Variants in KAZN observed in about 807,000 individuals in gnomAD.
The protein encoded by KAZN is kazrin, periplakin interacting protein.
KAZN carries 40 observed loss-of-function variants against 87.4 expected under a neutral mutation model. That is an observed-to-expected ratio of 0.46 (90% confidence interval 0.36 to 0.60). KAZN has a LOEUF of 0.60. Among genes scored for constraint, KAZN ranks in the 20% least tolerant of loss-of-function variants. The pLI is 0.00. For synonymous variants in KAZN, 466 were observed against 458.3 expected (o/e 1.02, Z -0.22); for missense variants, 898 against 1,073.9 (o/e 0.84, Z 2.29).
At chr1:14,047,303 C>A (rs767106368) in intron 1 of KAZN, among the ~76,000 whole-genome samples, 2 of 152,196 alleles carry the variant, frequency 1.3e-5, no homozygotes, top group Non-Finnish European at 2.9e-5. Context: ...CTTTGACAAC[C>A]ACTAATCTCA....
At chr1:15,032,233 C>G (rs1182541837) in intron 2 of KAZN, among the ~76,000 whole-genome samples, 1 of 140,292 alleles carries the variant, frequency 7.1e-6, no homozygotes, top group Non-Finnish European at 1.5e-5. Context: ...TGCTTTGTTG[C>G]CCAGGCTGGA....
intron 1 of KAZN, among the ~76,000 whole-genome samples, chr1:14,027,293 C>G (rs145694071): frequency 8.1e-4 from 123 of 152,252 alleles, no homozygotes; most frequent in African/African-American, 2.7e-3. Flanking sequence ...CCATGCGATG[C>G]GCTGGCTTCC....
chr1:14,686,240 T>A (rs1301582476), intron 1 of KAZN, among the ~76,000 whole-genome samples: 1 of 152,158 alleles, frequency 6.6e-6, no homozygotes. Context: ...AATTTTTGTA[T>A]TTTTGGTAGA....
chr1:14,135,094 G>A (rs1006975104), intron 1 of KAZN, among the ~76,000 whole-genome samples: 1 of 151,748 alleles, frequency 6.6e-6, no homozygotes, highest in Non-Finnish European at 1.5e-5. Flanking sequence ...AAAAGTAATG[G>A]CAAAAACTGC....
intron 8 of KAZN, among the ~76,000 whole-genome samples, chr1:15,075,092 A>G (rs950751568): frequency 1.3e-5 from 2 of 152,208 alleles, no homozygotes; most frequent in African/African-American, 4.8e-5. Context: ...GAATAGGACC[A>G]GAGGGAGCAA....
rs191975523 is a variant in KAZN, at chr1:13,951,774, G to A, written c.91+58018G>A. ...GCTCTTTGTGTTTCTCTAAGTCCAGGCAAGCCATACAGACATAGATGGATT... is the reference window on the plus strand; with the variant it reads ...GCTCTTTGTGTTTCTCTAAGTCCAGACAAGCCATACAGACATAGATGGATT... On this transcript the variant is annotated intron_variant, in intron 1 of 16. Transcript: ENST00000636203. Among the ~76,000 whole-genome samples the A allele has an allele frequency of 9.9e-5, 15 of 152,196 alleles. No homozygotes were observed. In the East Asian group the frequency reaches 2.9e-3, roughly 29 times the overall value.
At position 14,258,543 on chromosome 1, in the gene KAZN, A is replaced by G. The variant is rs528942266; in HGVS notation, c.249+77951A>G. On this transcript the variant is annotated intron_variant, in intron 2 of 16. Transcript: ENST00000636203. Reference sequence around the variant, plus strand: ...AGCCACTGCGCCTAAAAAAACACAGAGTTCAACTATAATTCTGGAAGAAAA... The same window carrying G: ...AGCCACTGCGCCTAAAAAAACACAGGGTTCAACTATAATTCTGGAAGAAAA... Among the ~76,000 whole-genome samples, 3 of 152,196 alleles carry G rather than the reference A, an allele frequency of 2.0e-5. No individual in the cohort carries two copies. The South Asian group carries it at 6.2e-4, about 32-fold the overall frequency.
intron 2 of KAZN, among the ~76,000 whole-genome samples, chr1:14,557,619 GGT>G (rs1178915166): frequency 1.1e-5 from 1 of 94,044 alleles, no homozygotes; most frequent in Non-Finnish European, 2.3e-5. Context: ...AAACCAATAG[GGT>G]GTGTGTGGGT....
intron 1 of KAZN, among the ~76,000 whole-genome samples, chr1:14,017,410 G>A (rs1262055095): frequency 6.6e-6 from 1 of 152,242 alleles, no homozygotes; most frequent in African/African-American, 2.4e-5. Context: ...TCTAAGAAAG[G>A]CAGAGGGGCA....
At chr1:14,510,722 G>C (rs1424240451) in intron 2 of KAZN, among the ~76,000 whole-genome samples, 5 of 152,158 alleles carry the variant, frequency 3.3e-5, no homozygotes, top group African/African-American at 9.7e-5. Context: ...AAGCAAGAGA[G>C]AGTCAATGTT....
chr1:14,186,889 G>C (rs1426333827), intron 2 of KAZN, among the ~76,000 whole-genome samples: 1 of 152,128 alleles, frequency 6.6e-6, no homozygotes, highest in African/African-American at 2.4e-5. Context: ...CCACCAGAGG[G>C]GTTCAGGATT....
chr1:13,967,468 G>C (rs923866062), intron 1 of KAZN, among the ~76,000 whole-genome samples: 1 of 152,352 alleles, frequency 6.6e-6, no homozygotes, highest in Middle Eastern at 3.4e-3. Context: ...GCATCCAGCA[G>C]TGTAGGCATG....
At chr1:14,918,772 C>T (rs1382084265) in intron 1 of KAZN, among the ~76,000 whole-genome samples, 2 of 139,194 alleles carry the variant, frequency 1.4e-5, no homozygotes, top group Non-Finnish European at 3.0e-5. Context: ...TGCATCTTGC[C>T]ACTAGCCTTG....
intron 1 of KAZN, among the ~76,000 whole-genome samples, chr1:14,115,652 T>A (rs143420586): frequency 4.9e-4 from 75 of 152,256 alleles, no homozygotes; most frequent in African/African-American, 1.7e-3. Context: ...TTGGTACCAA[T>A]GGAGTGGGAT....
chr1:14,820,471 G>C lies in KAZN; in HGVS notation c.227-140213G>C, dbSNP rs577619607. On this transcript the variant is annotated intron_variant, in intron 1 of 14. Transcript: ENST00000376030. This position sits in a 1 kb window ranked among gnomAD's most constrained non-coding sequence, Gnocchi z 4.1. ...ACTGCCCCCGTTTGGTGCCACAGTT[G>C]GGTTTATTCTCACAGCTGCAAACCC... is the stretch of plus-strand genomic sequence containing the variant. Among the ~76,000 whole-genome samples, 2 of 152,338 alleles carry C rather than the reference G, an allele frequency of 1.3e-5. No homozygotes were observed. Among genetic ancestry groups the C allele is most frequent in the South Asian group, 4.1e-4 (2 of 4,834 alleles).
At chr1:14,060,018 C>G (rs1196945463) in intron 1 of KAZN, among the ~76,000 whole-genome samples, 2 of 152,164 alleles carry the variant, frequency 1.3e-5, no homozygotes, top group East Asian at 3.9e-4. Flanking sequence ...AGCTTCCTGC[C>G]TTCTCACCAC....
intron 1 of KAZN, among the ~76,000 whole-genome samples, chr1:14,075,164 A>C (rs929599876): frequency 3.9e-5 from 6 of 152,230 alleles, no homozygotes; most frequent in African/African-American, 1.4e-4. Flanking sequence ...GAATATAAAT[A>C]CCTGGTCTTT....
intron 1 of KAZN, among the ~76,000 whole-genome samples, chr1:14,086,536 A>C (rs12139298): frequency 0.32 from 48,011 of 152,130 alleles, 7,973 homozygotes; most frequent in Middle Eastern, 0.39. Context: ...TTTTGATGTT[A>C]AATTTATCAA....
rs1378194585 is a variant in KAZN at position 15,066,012 on chromosome 1, T to G, written c.1222+259T>G. On this transcript the variant is annotated intron_variant, in intron 8 of 14. Coordinates refer to ENST00000376030, the MANE Select transcript of KAZN (RefSeq NM_201628.3). This position sits in a 1 kb window ranked among gnomAD's most constrained non-coding sequence, Gnocchi z 4.3. The stretch of plus-strand genomic sequence containing the variant: ...TCGCCACCTCTGTAATTGATGTACA[T>G]ACCGCAAACCGTGTGTGAACCTGTC... The G allele has an allele frequency of 1.5e-6, 2 of 1,302,244 alleles. No homozygotes were observed. The highest frequency in any genetic ancestry group is 1.9e-6 in the Non-Finnish European group (2 of 1,028,068). The allele number at this position is 1,302,244 out of a possible 1,614,324, so 80.7% of individuals were successfully genotyped here.
Sources: gnomAD v4.1 joint callset for allele counts (sites outside exome capture counted in the v4.1 genomes callset) on GRCh38, gnomAD v4.1.1 for gene constraint, Gnocchi (gnomAD v3.1) non-coding constraint, MANE v1.5 for transcripts, NCBI Gene and HGNC (gene_info 2026-07-23, HGNC 2026-07-21) for gene names.